EEA1: variants seen among roughly 807,000 people sequenced by gnomAD.
EEA1 encodes early endosome antigen 1, also known as early endosome antigen 1, 162kD.
EEA1 carries 111 observed loss-of-function variants against 209.2 expected under a neutral mutation model. That is an observed-to-expected ratio of 0.53 (90% confidence interval 0.45 to 0.62). The LOEUF (loss-of-function observed/expected upper bound fraction) is 0.62, where lower values mean the gene tolerates loss of function less well. EEA1 is among the 20% of genes least tolerant of loss of function. The pLI, the probability that EEA1 is intolerant of heterozygous loss-of-function variation, is 0.00. For missense variants in EEA1, 1,343 were observed against 1,530.8 expected (o/e 0.88, Z 2.05); for synonymous variants, 536 against 540.6 (o/e 0.99, Z 0.12).
At chr12:92,907,715 C>T (rs1272874030) in intron 1 of EEA1, among the ~76,000 whole-genome samples, 2 of 152,230 alleles carry the variant, frequency 1.3e-5, no homozygotes, top group Non-Finnish European at 2.9e-5. Flanking sequence ...TTCATCTCAA[C>T]ACTTTACCAT....
At chr12:92,814,503 A>G (rs1208019483) in intron 15 of EEA1, among the ~76,000 whole-genome samples, 1 of 149,600 alleles carries the variant, frequency 6.7e-6, no homozygotes, top group Non-Finnish European at 1.5e-5. Context: ...CTAATGTAAT[A>G]TATGTATATT....
chr12:92,880,514 G>C (rs569483519), intron 2 of EEA1, among the ~76,000 whole-genome samples: 1 of 151,802 alleles, frequency 6.6e-6, no homozygotes, highest in Non-Finnish European at 1.5e-5. Context: ...TCACTCTGTC[G>C]CCCAAGCTGG....
Position 92,929,110 on chromosome 12 carries a change from C to T in EEA1, c.-44G>A. 1 of 1,561,840 alleles carries T rather than the reference C, an allele frequency of 6.4e-7. No homozygotes were observed. The highest frequency in any genetic ancestry group is 8.7e-7 in the Non-Finnish European group (1 of 1,153,842). ...CGCCGCCGCGGTGACTCTCCAGACC[C>T]TGCGCGGGGCCACTCACTACTCGGG... is the stretch of plus-strand genomic sequence containing the variant. On this transcript the variant is annotated 5_prime_UTR_variant, in exon 1 of 29. Coordinates refer to ENST00000322349, the MANE Select transcript of EEA1 (RefSeq NM_003566.4).
intron 2 of EEA1, among the ~76,000 whole-genome samples, chr12:92,887,397 C>T (rs1879460345): frequency 3.9e-5 from 6 of 152,038 alleles, no homozygotes; most frequent in Admixed American, 3.9e-4. Flanking sequence ...ATAATTCCAG[C>T]ACTTTGGGAA....
intron 22 of EEA1, among the ~76,000 whole-genome samples, chr12:92,783,358 G>A (rs925124933): frequency 1.8e-4 from 28 of 152,200 alleles, no homozygotes; most frequent in African/African-American, 6.5e-4. Flanking sequence ...CTTCTGTGTT[G>A]ATGATTGTTG....
intron 6 of EEA1, 40 bp from the exon 7 acceptor site, chr12:92,853,065 T>C: frequency 1.6e-6 from 2 of 1,257,506 alleles, no homozygotes; most frequent in Non-Finnish European, 2.3e-6. Context: ...ACCATGTTAA[T>C]TACATATGCT....
chr12:92,870,503 C>T (rs984964578), intron 2 of EEA1, among the ~76,000 whole-genome samples: 7 of 152,098 alleles, frequency 4.6e-5, no homozygotes, highest in Non-Finnish European at 8.8e-5. Flanking sequence ...GAAATATTTT[C>T]GGACTGATCC....
chr12:92,832,548 C>T lies in EEA1; in HGVS notation c.1218G>A (p.Glu406=). 2 of 1,613,450 alleles carry T rather than the reference C, an allele frequency of 1.2e-6. No individual in the cohort carries two copies. The highest frequency in any genetic ancestry group is 1.7e-6 in the Non-Finnish European group (2 of 1,179,846). Residue 406 remains glutamate, a synonymous_variant, in exon 11 of 29, where the codon GAG becomes GAA. Coordinates refer to ENST00000322349, the MANE Select transcript of EEA1 (RefSeq NM_003566.4). ...KQLQQQREEK[E]QHGLQLQSEI... ...CACTTTGGAGTTGTAACCCATGCTGCTCCTTTTCTTCTCTCTGTTGTTGTA... is the reference window on the plus strand; with the variant it reads ...CACTTTGGAGTTGTAACCCATGCTGTTCCTTTTCTTCTCTCTGTTGTTGTA...
At chr12:92,874,362 C>T (rs544286718) in intron 2 of EEA1, among the ~76,000 whole-genome samples, 2 of 151,882 alleles carry the variant, frequency 1.3e-5, no homozygotes, top group Non-Finnish European at 2.9e-5. Context: ...AGAAAATATG[C>T]TTCATTTGTT....
rs1474852066 is a variant in EEA1 at position 92,802,565 on chromosome 12, T to G, written c.2509A>C (p.Thr837Pro). 6.2e-7 allele frequency: 1 copy of G among 1,601,960 alleles called. No homozygotes were observed. Among genetic ancestry groups the G allele is most frequent in the Non-Finnish European group, 8.5e-7 (1 of 1,176,400 alleles). The change falls in exon 19 of 29, where the codon ACA (threonine) becomes CCA (proline). Residue 837 changes from threonine to proline, a missense_variant. Transcript: ENST00000322349. ...HEELNNRIQT[T>P]VTELQKVKME... The stretch of plus-strand genomic sequence containing the variant: ...TTCACTTTTTGTAGTTCTGTTACTG[T>G]TGTTTGAATTCTGTTATTCAATTCC...
At chr12:92,908,475 A>T (rs1463931872) in intron 1 of EEA1, among the ~76,000 whole-genome samples, 3 of 152,168 alleles carry the variant, frequency 2.0e-5, no homozygotes, top group African/African-American at 2.4e-5. Context: ...GTCATAATTT[A>T]AAAAAAATTT....
chr12:92,891,369 C>T (rs1879648108), intron 2 of EEA1, among the ~76,000 whole-genome samples: 1 of 152,004 alleles, frequency 6.6e-6, no homozygotes, highest in Admixed American at 6.6e-5. Flanking sequence ...TATAAACAGA[C>T]GTTTTAAAAT....
intron 8 of EEA1, 68 bp from the exon 9 acceptor site, chr12:92,851,334 A>T: frequency 3.5e-6 from 5 of 1,429,512 alleles, no homozygotes; most frequent in Non-Finnish European, 4.8e-6. Flanking sequence ...TTTTAGAATC[A>T]TTTCACTACA....
chr12:92,832,036 G>A (rs1437954126), intron 11 of EEA1, among the ~76,000 whole-genome samples: 2 of 149,748 alleles, frequency 1.3e-5, no homozygotes, highest in Non-Finnish European at 3.0e-5. Context: ...GCAGTGAGCC[G>A]AGATTGCGCC....
chr12:92,894,075 C>CT (rs2136757377), intron 1 of EEA1, among the ~76,000 whole-genome samples: 1 of 152,160 alleles, frequency 6.6e-6, no homozygotes, highest in African/African-American at 2.4e-5. Flanking sequence ...ATATTTCAAG[C>CT]TTTTTTATTA....
rs898251227 is a variant in EEA1, at chr12:92,832,674, A to G, written c.1092T>C (p.His364=). Residue 364 remains histidine (H), a synonymous_variant, in exon 11 of 29, where the codon CAT becomes CAC. Coordinates refer to ENST00000322349, the MANE Select transcript of EEA1 (RefSeq NM_003566.4). The part of the protein sequence containing the change: ...SASETSLHRI[H]VELSEKGEAT... ...CTTCTCCTTTTTCACTTAGTTCTAC[A>G]TGTATTCTATGCAGTGAGGTTTCAG... 5 of 1,613,832 alleles carry G rather than the reference A, an allele frequency of 3.1e-6. No homozygotes were observed. The highest frequency in any genetic ancestry group is 2.2e-5 in the East Asian group (1 of 44,838).
chr12:92,925,478 G>T (rs1243410698), intron 1 of EEA1, among the ~76,000 whole-genome samples: 2 of 152,214 alleles, frequency 1.3e-5, no homozygotes, highest in Non-Finnish European at 2.9e-5. Context: ...GCTTCCCAAA[G>T]TGATGGAATT....
At chr12:92,861,058 T>G (rs1233670235) in intron 3 of EEA1, among the ~76,000 whole-genome samples, 1 of 152,184 alleles carries the variant, frequency 6.6e-6, no homozygotes, top group Non-Finnish European at 1.5e-5. Flanking sequence ...GCTTCTCACA[T>G]TCTGTTCCCC....
chr12:92,816,528 AATT>A lies in EEA1; in HGVS notation c.1729-131_1729-129del. ...GTTTATCTCAAAATTTTTCAAGTAAAATTATTCACTTGCCAAAATATGTCAACA... is the reference window on the plus strand; with the variant it reads ...GTTTATCTCAAAATTTTTCAAGTAAAATTCACTTGCCAAAATATGTCAACA... On this transcript the variant is annotated intron_variant, in intron 14 of 28. Transcript: ENST00000322349. 5.2e-6 allele frequency: 4 copies of A among 766,860 alleles called. No individual in the cohort carries two copies. The South Asian group carries it at 5.8e-5, about 11-fold the overall frequency. The allele number at this position is 766,860 out of a possible 1,614,324, so 47.5% of individuals were successfully genotyped here.
Sources: allele counts gnomAD v4.1 joint callset (sites outside exome capture counted in the v4.1 genomes callset), GRCh38; gene constraint gnomAD v4.1.1; transcripts MANE v1.5; gene names NCBI Gene and HGNC (gene_info 2026-07-23, HGNC 2026-07-21).